ESRRB: variants seen among roughly 807,000 people sequenced by gnomAD.
ESRRB encodes the protein estrogen related receptor beta.
ESRRB carries 16 observed loss-of-function variants against 46.0 expected under a neutral mutation model. The observed-to-expected ratio is 0.35, with a 90% confidence interval of 0.24 to 0.53. The LOEUF (loss-of-function observed/expected upper bound fraction) is 0.53. ESRRB is among the 20% of genes least tolerant of loss of function. The pLI is 0.93. For missense variants in ESRRB, 488 were observed against 607.4 expected, an observed-to-expected ratio of 0.80 and a Z score of 2.07; for synonymous variants, 246 against 259.6, an observed-to-expected ratio of 0.95 and a Z score of 0.50.
intron 1 of ESRRB, among the ~76,000 whole-genome samples, chr14:76,433,365 C>T (rs143048811): frequency 1.3e-5 from 2 of 152,216 alleles, no homozygotes; most frequent in East Asian, 1.9e-4. Context: ...GAAGTGGGGG[C>T]GGTGATGGTA....
intron 1 of ESRRB, among the ~76,000 whole-genome samples, chr14:76,397,543 C>G (rs776962412): frequency 6.6e-6 from 1 of 152,174 alleles, no homozygotes; most frequent in African/African-American, 2.4e-5. Context: ...GGAGGCTGGG[C>G]TTGCTGGCTT....
intron 2 of ESRRB, among the ~76,000 whole-genome samples, chr14:76,450,094 T>A (rs918733811): frequency 2.4e-4 from 37 of 151,260 alleles, no homozygotes; most frequent in Non-Finnish European, 1.6e-4. Flanking sequence ...CTGAGACAGG[T>A]GTTATGAAGG....
chr14:76,456,040 A>G (rs55680558), intron 2 of ESRRB, among the ~76,000 whole-genome samples: 4,983 of 67,218 alleles, frequency 0.074, 273 homozygotes, highest in African/African-American at 0.26. Flanking sequence ...CGAAACTCGC[A>G]CACACACACA....
At chr14:76,373,784 G>A (rs190177662), upstream of ESRRB, among the ~76,000 whole-genome samples, 62 of 152,324 alleles carry the variant, frequency 4.1e-4, no homozygotes, top group Non-Finnish European at 6.5e-4. Flanking sequence ...CAATCAGCTA[G>A]TGCCCAGAGA....
chr14:76,359,241 T>C lies in ESRRB; in HGVS notation c.2+48325T>C, dbSNP rs550447659. On this transcript the variant is annotated intron_variant, in intron 1 of 6. Transcript: ENST00000512784. Reference sequence around the variant, plus strand: ...AATTGATTTTAACTGACCCTACTGATGTCTTCCAAAAACTCTAGCTGAAGC... The same window carrying C: ...AATTGATTTTAACTGACCCTACTGACGTCTTCCAAAAACTCTAGCTGAAGC... 3.3e-5 allele frequency among the ~76,000 whole-genome samples: 5 copies of C among 152,346 alleles called. No individual in the cohort carries two copies. The South Asian group carries it at 1.0e-3, about 32-fold the overall frequency.
chr14:76,399,479 C>T (rs1047622081), intron 1 of ESRRB, among the ~76,000 whole-genome samples: 2 of 152,178 alleles, frequency 1.3e-5, no homozygotes, highest in African/African-American at 4.8e-5. Context: ...CATTCCTCCT[C>T]GTTATGCCCT....
chr14:76,358,098 G>C (rs1200721017), intron 1 of ESRRB, among the ~76,000 whole-genome samples: 2 of 151,886 alleles, frequency 1.3e-5, no homozygotes, highest in African/African-American at 4.8e-5. Context: ...GATCACATGA[G>C]GTCAGGAGTT....
At chr14:76,432,446 T>C (rs989786319) in intron 1 of ESRRB, among the ~76,000 whole-genome samples, 6 of 152,166 alleles carry the variant, frequency 3.9e-5, no homozygotes, top group Admixed American at 3.3e-4. Context: ...ACAGTTACTA[T>C]TGCAAACTTC....
chr14:76,446,897 T>C (rs550915657), intron 2 of ESRRB, among the ~76,000 whole-genome samples: 1 of 152,318 alleles, frequency 6.6e-6, no homozygotes, highest in East Asian at 1.9e-4. Context: ...CTTCTGGGAC[T>C]TAGGGCTGAG....
At chr14:76,407,151 G>A (rs1886223068) in intron 1 of ESRRB, among the ~76,000 whole-genome samples, 1 of 152,180 alleles carries the variant, frequency 6.6e-6, no homozygotes, top group Non-Finnish European at 1.5e-5. Context: ...TCTCTTTCTA[G>A]GAGTCCTTAA....
intron 1 of ESRRB, among the ~76,000 whole-genome samples, chr14:76,315,698 C>T (rs1217216766): frequency 6.6e-6 from 1 of 152,184 alleles, no homozygotes; most frequent in African/African-American, 2.4e-5. Flanking sequence ...GCTCCCACAC[C>T]TTCCACTAAG....
chr14:76,473,190 G>T lies in ESRRB; in HGVS notation c.578-8826G>T, dbSNP rs1889440243. ...CTGACCTTTCTGAGCTTCAGATCTT[G>T]CATGGAACTAATCATAATCATGTAT... On this transcript the variant is annotated intron_variant, in intron 3 of 6. Coordinates refer to ENST00000644823, the MANE Select transcript of ESRRB (RefSeq NM_001379180.1). Among the ~76,000 whole-genome samples, 4 of 152,214 alleles carry T rather than the reference G, an allele frequency of 2.6e-5. 1 individual carries two copies. In the South Asian group the frequency reaches 8.3e-4, roughly 32 times the overall value.
At position 76,501,001 on chromosome 14, in the gene ESRRB, G is replaced by A. The variant is rs111905240; in HGVS notation, c.*2543G>A. On this transcript the variant is annotated 3_prime_UTR_variant, in exon 7 of 7. Coordinates refer to ENST00000644823, the MANE Select transcript of ESRRB (RefSeq NM_001379180.1). ...AAGAAGTTCAGGGGCCAACTTCTTA[G>A]CTGGAATCCTGGCCAGATGAGGACC... 5.7e-6 allele frequency: 3 copies of A among 527,914 alleles called. No homozygotes were observed. In the African/African-American group the frequency reaches 5.7e-5, roughly 10 times the overall value. 32.7% of individuals were successfully genotyped at this position (527,914 alleles called of 1,614,324 possible).
intron 3 of ESRRB, among the ~76,000 whole-genome samples, chr14:76,471,703 C>CT (rs1176697774): frequency 3.3e-5 from 5 of 152,354 alleles, no homozygotes; most frequent in African/African-American, 1.2e-4. Flanking sequence ...CTATTACTTG[C>CT]TGTCATATCC....
intron 3 of ESRRB, among the ~76,000 whole-genome samples, chr14:76,468,741 T>C (rs1889234954): frequency 6.6e-6 from 1 of 152,056 alleles, no homozygotes; most frequent in Non-Finnish European, 1.5e-5. Context: ...TTGCTCCCAA[T>C]CTTCAGGGAA....
intron 5 of ESRRB, among the ~76,000 whole-genome samples, chr14:76,485,304 G>T (rs542988293): frequency 6.8e-6 from 1 of 146,106 alleles, no homozygotes; most frequent in Non-Finnish European, 1.5e-5. Context: ...GCAGTGGTGC[G>T]ATCTCGGCTC....
chr14:76,415,452 G>A (rs900846760), intron 1 of ESRRB, among the ~76,000 whole-genome samples: 2 of 152,140 alleles, frequency 1.3e-5, no homozygotes, highest in African/African-American at 2.4e-5. Flanking sequence ...ACGAGGTCAG[G>A]AGTTTGAGAC....
chr14:76,360,909 C>G (rs551087601), intron 1 of ESRRB, among the ~76,000 whole-genome samples: 1 of 152,304 alleles, frequency 6.6e-6, no homozygotes, highest in South Asian at 2.1e-4. Context: ...CCCGGCCAGA[C>G]AGAGAGGAGG....
At chr14:76,466,350 A>C (rs1436606959) in intron 3 of ESRRB, among the ~76,000 whole-genome samples, 1 of 152,058 alleles carries the variant, frequency 6.6e-6, no homozygotes, top group Admixed American at 6.5e-5. Flanking sequence ...ATAATCAGAG[A>C]TCGTTTCCCA....
Sources: gnomAD v4.1 joint callset for allele counts (sites outside exome capture counted in the v4.1 genomes callset) on GRCh38, gnomAD v4.1.1 for gene constraint, MANE v1.5 for transcripts, NCBI Gene and HGNC (gene_info 2026-07-23, HGNC 2026-07-21) for gene names.